DTWD2: variants seen among roughly 807,000 people sequenced by gnomAD.
DTWD2 encodes tRNA-uridine aminocarboxypropyltransferase 2.
In DTWD2, 39 loss-of-function variants were observed where a neutral mutation model predicts 31.8. The observed-to-expected ratio is 1.22, with a 90% CI of 0.95 to 1.60. DTWD2 has a LOEUF of 1.60. DTWD2 is among the 40% of genes most tolerant of loss of function. The probability of loss-of-function intolerance (pLI) is 0.00; values close to 1 mark genes in which losing one functional copy is unlikely to be tolerated. For missense variants in DTWD2, 515 were observed against 381.5 expected, an observed-to-expected ratio of 1.35 and a Z score of -2.92; for synonymous variants, 180 against 142.8, an observed-to-expected ratio of 1.26 and a Z score of -1.86.
At chr5:118,846,996 G>T (rs1467016716) in intron 5 of DTWD2, among the ~76,000 whole-genome samples, 1 of 145,886 alleles carries the variant, frequency 6.9e-6, no homozygotes, top group Non-Finnish European at 1.5e-5. Flanking sequence ...TTTTTCAAAA[G>T]AAGAAAAGTC....
chr5:118,874,180 A>G (rs1467100451), intron 4 of DTWD2, among the ~76,000 whole-genome samples: 1 of 152,216 alleles, frequency 6.6e-6, no homozygotes, highest in Non-Finnish European at 1.5e-5. Context: ...CAAACAAGAT[A>G]AAAGAAAAAG....
intron 5 of DTWD2, among the ~76,000 whole-genome samples, chr5:118,843,371 G>GAGGAAGGGAGCAAGGAAGGAAGGA (rs754423234): frequency 7.0e-6 from 1 of 143,638 alleles, no homozygotes; most frequent in African/African-American, 2.7e-5. Context: ...GGGAGGAAGG[G>GAGGAAGGGAGCAAGGAAGGAAGGA]AGGAAGGAAG....
intron 1 of DTWD2, among the ~76,000 whole-genome samples, chr5:118,957,131 C>A (rs1044864534): frequency 1.3e-5 from 2 of 152,104 alleles, no homozygotes; most frequent in African/African-American, 2.4e-5. Flanking sequence ...CAATAATATT[C>A]CCATACCCTG....
intron 4 of DTWD2, among the ~76,000 whole-genome samples, chr5:118,877,694 C>T (rs775220548): frequency 6.6e-6 from 1 of 151,950 alleles, no homozygotes; most frequent in African/African-American, 2.4e-5. Context: ...CCAGGACAAT[C>T]GAGCAAGAGA....
intron 1 of DTWD2, among the ~76,000 whole-genome samples, chr5:118,985,508 A>ATATATATATATT (rs1755406053): frequency 7.9e-6 from 1 of 125,796 alleles, no homozygotes; most frequent in Admixed American, 8.1e-5. Flanking sequence ...ATATATATAT[A>ATATATATATATT]TATATATATA....
At chr5:118,915,512 A>C (rs919702766) in intron 4 of DTWD2, among the ~76,000 whole-genome samples, 32 of 151,986 alleles carry the variant, frequency 2.1e-4, no homozygotes, top group East Asian at 5.8e-4. Context: ...GCAGCTGGGA[A>C]TACAGGCGCA....
chr5:118,947,560 CTT>C (rs949034732), intron 1 of DTWD2, among the ~76,000 whole-genome samples: 9 of 152,180 alleles, frequency 5.9e-5, no homozygotes, highest in African/African-American at 1.9e-4. Flanking sequence ...CTCCCCTTCT[CTT>C]CTCTCTGCCA....
chr5:118,928,917 C>G (rs1753865482), intron 3 of DTWD2, among the ~76,000 whole-genome samples, 188 bp from the exon 4 acceptor site: 1 of 152,136 alleles, frequency 6.6e-6, no homozygotes, highest in Non-Finnish European at 1.5e-5. Context: ...GATGTATTCA[C>G]CACAATTCTG....
chr5:118,885,109 G>T (rs1393299979), intron 4 of DTWD2, among the ~76,000 whole-genome samples: 1 of 147,982 alleles, frequency 6.8e-6, no homozygotes, highest in Non-Finnish European at 1.5e-5. Flanking sequence ...AAGAGTTCAA[G>T]ACCAGCCTCG....
At chr5:118,985,490 T>TATATATATATATATATATA (rs1755403219) in intron 1 of DTWD2, among the ~76,000 whole-genome samples, 2 of 95,428 alleles carry the variant, frequency 2.1e-5, no homozygotes, top group Non-Finnish European at 4.4e-5. Flanking sequence ...ATGTGCATTT[T>TATATATATATATATATATA]TATATATATA....
intron 3 of DTWD2, among the ~76,000 whole-genome samples, chr5:118,929,777 A>G (rs1278042935): frequency 6.6e-6 from 1 of 152,204 alleles, no homozygotes; most frequent in African/African-American, 2.4e-5. Flanking sequence ...CTGTAGAGAA[A>G]AACACATGGC....
At chr5:118,888,330 A>C (rs1378124366) in intron 4 of DTWD2, among the ~76,000 whole-genome samples, 1 of 152,138 alleles carries the variant, frequency 6.6e-6, no homozygotes. Context: ...ATTTCCTACA[A>C]TTTTATATAA....
chr5:118,841,871 A>C (rs1323536913), intron 5 of DTWD2, among the ~76,000 whole-genome samples: 1 of 152,210 alleles, frequency 6.6e-6, no homozygotes, highest in Non-Finnish European at 1.5e-5. Context: ...TATTTTCAAA[A>C]ATAACAGCAA....
Position 118,840,321 on chromosome 5 carries a change from A to C in DTWD2, c.*596T>G, listed in dbSNP as rs939749925. On this transcript the variant is annotated 3_prime_UTR_variant, in exon 6 of 6. Transcript: ENST00000510708. ...AAATGAAAATGTGTGCTATTTCAAA[A>C]TTACATGCACCTCTTTAAAAATCAG... 2 of 152,212 alleles carry C rather than the reference A, an allele frequency of 1.3e-5. No individual in the cohort carries two copies. Among genetic ancestry groups the C allele is most frequent in the African/African-American group, 4.8e-5 (2 of 41,454 alleles). The allele number at this position is 152,212 out of a possible 1,614,324, so 9.4% of individuals were successfully genotyped here.
intron 4 of DTWD2, among the ~76,000 whole-genome samples, chr5:118,877,188 A>C (rs1375457803): frequency 1.3e-5 from 2 of 152,226 alleles, no homozygotes; most frequent in Non-Finnish European, 2.9e-5. Context: ...AAAACTCTCA[A>C]GTGGCCGGGT....
chr5:118,962,229 A>T (rs905450988), intron 1 of DTWD2, among the ~76,000 whole-genome samples: 1 of 152,028 alleles, frequency 6.6e-6, no homozygotes, highest in African/African-American at 2.4e-5. Context: ...CAAGAGCAAA[A>T]CTCTGTCTCA....
rs1316469124 is a variant in DTWD2 at position 118,837,755 on chromosome 5, T to C, written c.*3162A>G. Reference sequence around the variant, plus strand: ...CATCTCCACAAAAATTAAATGAAATTAGTAAAATTTAAAATTAGCTGAGTG... The same window carrying C: ...CATCTCCACAAAAATTAAATGAAATCAGTAAAATTTAAAATTAGCTGAGTG... On this transcript the variant is annotated 3_prime_UTR_variant, in exon 6 of 6. Coordinates refer to ENST00000510708, the MANE Select transcript of DTWD2 (RefSeq NM_173666.4). The C allele has an allele frequency of 6.6e-6, 1 of 151,976 alleles. No homozygotes were observed. The highest frequency in any genetic ancestry group is 1.5e-5 in the Non-Finnish European group (1 of 68,008). The allele number at this position is 151,976 out of a possible 1,614,324, so 9.4% of individuals were successfully genotyped here. A position where few individuals can be genotyped will look rare whatever the true frequency, so the allele number is the denominator to read the frequency against.
At chr5:118,930,754 A>G (rs1301505118) in intron 3 of DTWD2, among the ~76,000 whole-genome samples, 1 of 152,210 alleles carries the variant, frequency 6.6e-6, no homozygotes, top group Non-Finnish European at 1.5e-5. Flanking sequence ...GTCCAAATAT[A>G]TTATTTCATT....
At chr5:118,874,910 A>G (rs550911810) in intron 4 of DTWD2, among the ~76,000 whole-genome samples, 1 of 152,300 alleles carries the variant, frequency 6.6e-6, no homozygotes, top group African/African-American at 2.4e-5. Flanking sequence ...ACTGATAATC[A>G]TCAGATCCTC....
Sources: allele counts gnomAD v4.1 joint callset (sites outside exome capture counted in the v4.1 genomes callset), GRCh38; gene constraint gnomAD v4.1.1; transcripts MANE v1.5; gene names NCBI Gene and HGNC (gene_info 2026-07-23, HGNC 2026-07-21).